Variants in NFIA observed in about 807,000 individuals in gnomAD.
NFIA encodes the protein nuclear factor 1 A-type.
NFIA carries 8 observed loss-of-function variants against 62.8 expected under a neutral mutation model. That is an observed-to-expected ratio of 0.13 (90% CI 0.07 to 0.23). The LOEUF is 0.23. Among genes scored for constraint, NFIA ranks in the 10% least tolerant of loss-of-function variants. The pLI is 1.00. For synonymous variants in NFIA, 235 were observed against 238.1 expected (o/e 0.99, Z 0.12); for missense variants, 410 against 642.1 (o/e 0.64, Z 3.91).
At chr1:61,262,396 C>T (rs1047584617) in intron 2 of NFIA, among the ~76,000 whole-genome samples, 5 of 152,146 alleles carry the variant, frequency 3.3e-5, no homozygotes, top group East Asian at 3.8e-4. Context: ...TTTTGCCTAA[C>T]GTTTTTAATG....
chr1:61,283,030 T>C (rs900299767), intron 3 of NFIA, among the ~76,000 whole-genome samples: 2 of 152,174 alleles, frequency 1.3e-5, no homozygotes, highest in Non-Finnish European at 2.9e-5. Context: ...TTTCCAGCTC[T>C]ACCTGCCAAT....
intron 2 of NFIA, among the ~76,000 whole-genome samples, chr1:61,108,658 CTATT>C (rs1484085263): frequency 6.6e-6 from 1 of 151,214 alleles, no homozygotes; most frequent in Non-Finnish European, 1.5e-5. Flanking sequence ...TCTTGATTTC[CTATT>C]TATTTTTAAT....
chr1:61,309,268 C>T (rs200426245), intron 3 of NFIA, among the ~76,000 whole-genome samples: 46 of 152,174 alleles, frequency 3.0e-4, no homozygotes, highest in African/African-American at 9.4e-4. Context: ...GTGTGTCCTA[C>T]GAATCTTGGA....
intron 2 of NFIA, among the ~76,000 whole-genome samples, chr1:61,185,805 G>A (rs1035790922): frequency 2.0e-5 from 3 of 151,764 alleles, no homozygotes; most frequent in African/African-American, 7.3e-5. Context: ...CTTTCAGTTC[G>A]AATAATAGCC....
intron 4 of NFIA, among the ~76,000 whole-genome samples, chr1:61,350,750 C>T (rs1344145490): frequency 2.0e-5 from 3 of 152,188 alleles, no homozygotes; most frequent in Non-Finnish European, 4.4e-5. Context: ...ATCAGAAATC[C>T]AGTAAACATT....
chr1:61,393,212 A>G (rs1297928507), intron 7 of NFIA, among the ~76,000 whole-genome samples: 2 of 45,386 alleles, frequency 4.4e-5, no homozygotes, highest in Non-Finnish European at 6.6e-5. Flanking sequence ...TCTCCTCTTT[A>G]TGTGGAATGG....
chr1:61,100,634 C>T (rs1165493899), intron 2 of NFIA, among the ~76,000 whole-genome samples: 1 of 152,070 alleles, frequency 6.6e-6, no homozygotes, highest in Non-Finnish European at 1.5e-5. Flanking sequence ...TGCTCTGTTG[C>T]CTAGCTGGAG....
intron 2 of NFIA, among the ~76,000 whole-genome samples, chr1:61,224,241 A>G (rs1371839291): frequency 6.6e-6 from 1 of 152,148 alleles, no homozygotes; most frequent in Non-Finnish European, 1.5e-5. Context: ...ACTTAAGTCT[A>G]ACTTTTAAAA....
intron 2 of NFIA, among the ~76,000 whole-genome samples, chr1:61,254,158 G>C (rs115484949): frequency 6.6e-6 from 1 of 152,152 alleles, no homozygotes. Context: ...GCAATTCCCA[G>C]AGTACTGGGA....
At chr1:61,447,114 A>G (rs1208607439) in intron 10 of NFIA, among the ~76,000 whole-genome samples, 1 of 151,222 alleles carries the variant, frequency 6.6e-6, no homozygotes, top group East Asian at 1.9e-4. Flanking sequence ...ACTCTCCTCA[A>G]CTCTCCCCCT....
At chr1:61,151,543 A>G (rs951968157) in intron 2 of NFIA, among the ~76,000 whole-genome samples, 1 of 152,130 alleles carries the variant, frequency 6.6e-6, no homozygotes, top group Non-Finnish European at 1.5e-5. Context: ...AATCAGGGAA[A>G]AGGAGAAAAG....
intron 2 of NFIA, among the ~76,000 whole-genome samples, chr1:61,186,570 T>C (rs1368083507): frequency 6.6e-6 from 1 of 152,200 alleles, no homozygotes; most frequent in African/African-American, 2.4e-5. Context: ...TCTCACATTA[T>C]GTGAACAGAA....
Position 61,176,149 on chromosome 1 carries a change from A to G in NFIA, c.559+87469A>G, listed in dbSNP as rs550155533. 2.6e-5 allele frequency among the ~76,000 whole-genome samples: 4 copies of G among 152,344 alleles called. 1 individual carries two copies. Among genetic ancestry groups the G allele is most frequent in the Admixed American group, 2.6e-4 (4 of 15,304 alleles). On this transcript the variant is annotated intron_variant, in intron 2 of 10. Transcript: ENST00000403491. The stretch of plus-strand genomic sequence containing the variant: ...TTCTGCCCAGGCCGAAGAGCAAGGC[A>G]GGAGTCCGCTTAGGAAAGCCTGCAG...
chr1:61,448,499 C>CCTGGCTTT (rs1553122935), intron 10 of NFIA, among the ~76,000 whole-genome samples: 4 of 152,296 alleles, frequency 2.6e-5, no homozygotes, highest in African/African-American at 4.8e-5. Flanking sequence ...CCCAGCTACC[C>CCTGGCTTT]CTGGCTTTCT....
In NFIA at chr1:61,352,559, C is replaced by T. The variant is rs1662601079; in HGVS notation, c.810C>T (p.Ser270=). The part of the protein sequence containing the change: ...GAMRRSLPST[S]STSSTKRLKS... The stretch of plus-strand genomic sequence containing the variant: ...TGAGGAGGTCTTTACCCAGCACATC[C>T]TCTACGAGGTAATTTTATTGGCAGC... The change falls in exon 5 of 11, where the codon TCC becomes TCT. Residue 270 remains serine (S), a synonymous_variant. Coordinates refer to ENST00000403491, the MANE Select transcript of NFIA (RefSeq NM_001134673.4). 6.2e-7 allele frequency: 1 copy of T among 1,610,568 alleles called. No homozygotes were observed. Among genetic ancestry groups the T allele is most frequent in the East Asian group, 2.2e-5 (1 of 44,862 alleles).
intron 10 of NFIA, among the ~76,000 whole-genome samples, chr1:61,438,998 GACACACACAC>G (rs3076170): frequency 1.5e-3 from 219 of 141,954 alleles, no homozygotes; most frequent in African/African-American, 3.8e-3. Context: ...CATGCATGCA[GACACACACAC>G]ACACACACAC....
chr1:61,441,289 A>AGG (rs1235818916), intron 10 of NFIA, among the ~76,000 whole-genome samples: 45 of 106,266 alleles, frequency 4.2e-4, no homozygotes, highest in Non-Finnish European at 6.3e-4. Context: ...ACTGCCGTGC[A>AGG]GGGGTGTGTG....
intron 2 of NFIA, among the ~76,000 whole-genome samples, chr1:61,232,070 CA>C (rs1230648849): frequency 6.6e-6 from 1 of 151,918 alleles, no homozygotes; most frequent in African/African-American, 2.4e-5. Context: ...ACTCAATATG[CA>C]AAAAAGAAAT....
At chr1:61,173,873 G>A (rs1650146412) in intron 2 of NFIA, among the ~76,000 whole-genome samples, 1 of 152,152 alleles carries the variant, frequency 6.6e-6, no homozygotes, top group South Asian at 2.1e-4. Flanking sequence ...CTGTACAGCT[G>A]GGGTGAGGGT....
Sources: gnomAD v4.1 joint callset for allele counts (sites outside exome capture counted in the v4.1 genomes callset) on GRCh38, gnomAD v4.1.1 for gene constraint, MANE v1.5 for transcripts, NCBI Gene and HGNC (gene_info 2026-07-23, HGNC 2026-07-21) for gene names.